Variants in TRPV4 observed in about 807,000 individuals in gnomAD.
The protein encoded by TRPV4 is transient receptor potential cation channel subfamily V member 4.
In TRPV4, 58 loss-of-function variants were observed where a neutral mutation model predicts 84.1. The ratio of observed to expected loss-of-function variants is 0.69; its 90% confidence interval spans 0.56 to 0.86. The LOEUF (loss-of-function observed/expected upper bound fraction) is 0.86, where lower values mean the gene tolerates loss of function less well. Ranked by LOEUF, TRPV4 falls within the 40% of genes least tolerant of loss-of-function variation. The pLI is 0.00. For synonymous variants in TRPV4, 489 were observed against 500.9 expected, an observed-to-expected ratio of 0.98 and a Z score of 0.32; for missense variants, 879 against 1,181.1, an observed-to-expected ratio of 0.74 and a Z score of 3.75.
Position 109,783,675 on chromosome 12 carries a change from A to G in TRPV4, c.2562T>C (p.Asp854=). Residue 854 remains aspartate (D), a synonymous_variant, in exon 16 of 16, where the codon GAT becomes GAC. Transcript: ENST00000261740. This position sits in a 1 kb window ranked among gnomAD's most constrained non-coding sequence, Gnocchi z 4.6. ...PLDSMGNPRC[D]GHQQGYPRKW... ...TGCGGGGGTAACCCTGCTGGTGGCC[A>G]TCGCAGCGGGGGTTCCCCATGCTGT... The G allele has an allele frequency of 6.2e-6, 10 of 1,613,804 alleles. No homozygotes were observed. Among genetic ancestry groups the G allele is most frequent in the Non-Finnish European group, 8.5e-6 (10 of 1,179,974 alleles).
chr12:109,828,863 C>A (rs1392879419), intron 1 of TRPV4, among the ~76,000 whole-genome samples: 1 of 152,064 alleles, frequency 6.6e-6, no homozygotes, highest in East Asian at 1.9e-4. Flanking sequence ...CATTCCTGCC[C>A]CTGCCCACCC....
At chr12:109,830,903 G>A (rs1364961813) in intron 1 of TRPV4, among the ~76,000 whole-genome samples, 1 of 152,198 alleles carries the variant, frequency 6.6e-6, no homozygotes, top group African/African-American at 2.4e-5. Context: ...AGTCTTGTGT[G>A]TTTCCTTCCC....
intron 1 of TRPV4, among the ~76,000 whole-genome samples, chr12:109,830,193 G>A (rs1892374888): frequency 6.6e-6 from 1 of 151,480 alleles, no homozygotes; most frequent in African/African-American, 2.4e-5. Context: ...CAGACAAATG[G>A]GGACGGGCCA....
In TRPV4 at chr12:109,803,111, C is replaced by G; in HGVS notation, c.592G>C (p.Ala198Pro). Reference protein sequence around the residue: ...PSTGKTCLPKALLNLSNGRND... With the variant: ...PSTGKTCLPKPLLNLSNGRND... ...CGGCCATTGCTCAGGTTCAGCAAGG[C>G]CTTGGGCAGGCAGGTCTTCCCCGTA... Residue 198 changes from alanine to proline, a missense_variant, in exon 4 of 16, where the codon GCC becomes CCC. Ala to Pro is a conservative substitution (Grantham distance 27, BLOSUM62 -1). This residue lies in a region of TRPV4 where 521 missense variants were observed against 686.6 expected (regional missense o/e 0.76). Coordinates refer to ENST00000261740, the MANE Select transcript of TRPV4 (RefSeq NM_021625.5). 1 of 1,614,134 alleles carries G rather than the reference C, an allele frequency of 6.2e-7. No individual in the cohort carries two copies. The highest frequency in any genetic ancestry group is 2.2e-5 in the East Asian group (1 of 44,888).
At chr12:109,792,134 T>C in intron 12 of TRPV4, among the ~76,000 whole-genome samples, 1 of 147,900 alleles carries the variant, frequency 6.8e-6, no homozygotes, top group East Asian at 2.0e-4. Flanking sequence ...TAATCCCAAC[T>C]ACGTGGGAGG....
chr12:109,832,275 C>A, intron 1 of TRPV4: 1 of 152,536 alleles, frequency 6.6e-6, no homozygotes, highest in Non-Finnish European at 1.5e-5. Context: ...CCCAAAAGCC[C>A]ACCTCGTCAC....
chr12:109,798,970 C>A lies in TRPV4; in HGVS notation c.854-58G>T. On this transcript the variant is annotated intron_variant, in intron 5 of 15. Coordinates refer to ENST00000261740, the MANE Select transcript of TRPV4 (RefSeq NM_021625.5). This position sits in a 1 kb window ranked among gnomAD's most constrained non-coding sequence, Gnocchi z 5.0. Reference sequence around the variant, plus strand: ...GAAGGGGGCCCAGGGTGGGACTCTGCCTGCAGACACTCGGGGGACGGACAC... The same window carrying A: ...GAAGGGGGCCCAGGGTGGGACTCTGACTGCAGACACTCGGGGGACGGACAC... The A allele has an allele frequency of 6.6e-7, 1 of 1,521,804 alleles. No individual in the cohort carries two copies. The highest frequency in any genetic ancestry group is 8.9e-7 in the Non-Finnish European group (1 of 1,117,396). The allele number at this position is 1,521,804 out of a possible 1,614,324, so 94.3% of individuals were successfully genotyped here. A position where few individuals can be genotyped will look rare whatever the true frequency, so the allele number is the denominator to read the frequency against.
intron 12 of TRPV4, 93 bp from the exon 13 acceptor site, chr12:109,788,809 G>C (rs1889860775): frequency 6.8e-7 from 1 of 1,469,726 alleles, no homozygotes; most frequent in Non-Finnish European, 9.4e-7. Context: ...AGAAAGCTGA[G>C]GCCTAGTGAG....
rs1003284993 is a variant in TRPV4 at position 109,786,845 on chromosome 12, G to C, written c.2209-8C>G. On this transcript the variant is annotated splice_region_variant and splice_polypyrimidine_tract_variant and intron_variant, in intron 13 of 15. Transcript: ENST00000261740. The surrounding 1 kb of genome is among the most constrained non-coding windows in gnomAD (Gnocchi z 4.5). ...CAGGATGGTGGTGGCCCACTGCGGGGAGGGAGGGTCAGGAGGGACATCGGT... is the reference window on the plus strand; with the variant it reads ...CAGGATGGTGGTGGCCCACTGCGGGCAGGGAGGGTCAGGAGGGACATCGGT... 1 of 1,613,850 alleles carries C rather than the reference G, an allele frequency of 6.2e-7. No homozygotes were observed. The highest frequency in any genetic ancestry group is 8.5e-7 in the Non-Finnish European group (1 of 1,179,972).
At chr12:109,812,999 G>T (rs1891616148) in intron 2 of TRPV4, among the ~76,000 whole-genome samples, 1 of 152,008 alleles carries the variant, frequency 6.6e-6, no homozygotes, top group East Asian at 1.9e-4. Flanking sequence ...ATGGATGGAT[G>T]GATGAACAGA....
chr12:109,788,714 G>C lies in TRPV4; in HGVS notation c.1894C>G (p.Leu632Val), dbSNP rs543414991. The C allele has an allele frequency of 6.2e-7, 1 of 1,614,092 alleles. No individual in the cohort carries two copies. The highest frequency in any genetic ancestry group is 8.5e-7 in the Non-Finnish European group (1 of 1,180,044). The change falls in exon 13 of 16, where the codon CTG becomes GTG. Residue 632 changes from leucine (L) to valine (V), a missense_variant and splice_region_variant. This residue lies in a region of TRPV4 where 242 missense variants were observed against 355.3 expected (regional missense o/e 0.68). Coordinates refer to ENST00000261740, the MANE Select transcript of TRPV4 (RefSeq NM_021625.5). ...LLFMIGYASA[L>V]VSLLNPCANM... ...GCACACGGGTTCAGGAGGGAGACCA[G>C]GGCTGTGGGAGGATAGGGGTGGCAC...
chr12:109,820,509 C>T (rs1892049833), intron 1 of TRPV4, among the ~76,000 whole-genome samples: 2 of 106,552 alleles, frequency 1.9e-5, no homozygotes, highest in Admixed American at 2.1e-4. Flanking sequence ...CTTTCTTCAG[C>T]TGCCCTATTT....
Position 109,789,876 on chromosome 12 carries a change from G to A in TRPV4, c.1892-1160C>T, listed in dbSNP as rs545839298. On this transcript the variant is annotated intron_variant, in intron 12 of 15. Coordinates refer to ENST00000261740, the MANE Select transcript of TRPV4 (RefSeq NM_021625.5). ...AGTGATGTCTGCTATGGACACCAAA[G>A]TGTGGGAACAGAAGCATGTGTGTCC... Among the ~76,000 whole-genome samples, 4 of 152,348 alleles carry A rather than the reference G, an allele frequency of 2.6e-5. No homozygotes were observed. In the Middle Eastern group the frequency reaches 0.014, roughly 518 times the overall value.
At chr12:109,819,317 C>G (rs991105054) in intron 1 of TRPV4, among the ~76,000 whole-genome samples, 4 of 152,210 alleles carry the variant, frequency 2.6e-5, no homozygotes, top group Non-Finnish European at 4.4e-5. Flanking sequence ...CTGCGTGTGA[C>G]TGTCATGTAC....
chr12:109,800,070 G>A (rs1275265907), intron 5 of TRPV4, among the ~76,000 whole-genome samples: 1 of 151,950 alleles, frequency 6.6e-6, no homozygotes, highest in African/African-American at 2.4e-5. Flanking sequence ...AGCCTCCCAA[G>A]TAGCTGGGAT....
At chr12:109,795,809 A>G (rs1246911760) in intron 7 of TRPV4, among the ~76,000 whole-genome samples, 1 of 152,130 alleles carries the variant, frequency 6.6e-6, no homozygotes, top group Non-Finnish European at 1.5e-5. Context: ...GTGCAGTGGC[A>G]TGATCTCGGC....
At chr12:109,803,230 G>T in intron 3 of TRPV4, 87 bp from the exon 4 acceptor site, 1 of 1,499,892 alleles carries the variant, frequency 6.7e-7, no homozygotes, top group Non-Finnish European at 9.1e-7. Context: ...ACTGGGTAGG[G>T]GGTCAGATGT....
Position 109,783,619 on chromosome 12 carries a change from C to A in TRPV4, c.*2G>T. 6.2e-7 allele frequency: 1 copy of A among 1,612,824 alleles called. No individual in the cohort carries two copies. The highest frequency in any genetic ancestry group is 8.5e-7 in the Non-Finnish European group (1 of 1,179,396). ...AGAGAAGCTGGGGCTGGGCTGCAGT[C>A]CCTAGAGCGGGGCGTCATCAGTCCT... On this transcript the variant is annotated 3_prime_UTR_variant, in exon 16 of 16. Coordinates refer to ENST00000261740, the MANE Select transcript of TRPV4 (RefSeq NM_021625.5). The surrounding 1 kb of genome is among the most constrained non-coding windows in gnomAD (Gnocchi z 4.6).
chr12:109,784,840 CAAAA>C (rs11443576), intron 14 of TRPV4, among the ~76,000 whole-genome samples: 1 of 83,824 alleles, frequency 1.2e-5, no homozygotes. Context: ...GACTCCATCT[CAAAA>C]AAAAAAAAAA....
Sources: allele counts gnomAD v4.1 joint callset (sites outside exome capture counted in the v4.1 genomes callset), GRCh38; gene constraint gnomAD v4.1.1; regional missense constraint gnomAD v4.1.1; non-coding constraint Gnocchi (gnomAD v3.1); transcripts MANE v1.5; gene names NCBI Gene and HGNC (gene_info 2026-07-23, HGNC 2026-07-21).